PTCHD1: variants seen among roughly 807,000 people sequenced by gnomAD.
PTCHD1 encodes patched domain-containing protein 1.
A neutral mutation model predicts 34.6 loss-of-function variants in PTCHD1; 3 were observed. That is an observed-to-expected ratio of 0.09 (90% CI 0.04 to 0.22). The LOEUF (loss-of-function observed/expected upper bound fraction) is 0.22, where lower values mean the gene tolerates loss of function less well. Ranked by LOEUF, PTCHD1 falls within the 10% of genes least tolerant of loss-of-function variation. The probability of loss-of-function intolerance (pLI) is 1.00; values close to 1 mark genes in which losing one functional copy is unlikely to be tolerated. For synonymous variants in PTCHD1, 305 were observed against 283.1 expected (o/e 1.08, Z -0.77); for missense variants, 504 against 685.5 (o/e 0.74, Z 2.96).
chrX:23,390,473 AT>A (rs11287773), intron 2 of PTCHD1, among the ~76,000 whole-genome samples: 2,369 of 111,773 alleles, frequency 0.021, 69 homozygotes, highest in African/African-American at 0.073. Flanking sequence ...CTAGAAACAG[AT>A]TTAATCATGT....
intron 2 of PTCHD1, among the ~76,000 whole-genome samples, chrX:23,386,187 A>G (rs1922683641): frequency 8.9e-6 from 1 of 111,959 alleles, no homozygotes; most frequent in Admixed American, 9.5e-5. Flanking sequence ...ATTTATACTT[A>G]TACACACTGG....
Position 23,394,451 on chromosome X carries a change from C to CACACACACACACACACACACACACACACA in PTCHD1, c.*266_*267insACACACACACACACACACACACACACACA. On this transcript the variant is annotated 3_prime_UTR_variant, in exon 3 of 3. Coordinates refer to ENST00000379361, the MANE Select transcript of PTCHD1 (RefSeq NM_173495.3). ...ACACACACACACACACACACACACACCCTGGGAGACCTATAGTCTCTTAAA... is the reference window on the plus strand; with the variant it reads ...ACACACACACACACACACACACACACACACACACACACACACACACACACACACACCTGGGAGACCTATAGTCTCTTAAA... 3.3e-6 allele frequency: 1 copy of CACACACACACACACACACACACACACACA among 299,100 alleles called. No homozygotes were observed. Among genetic ancestry groups the CACACACACACACACACACACACACACACA allele is most frequent in the South Asian group, 8.1e-5 (1 of 12,324 alleles). The allele number at this position is 299,100 out of a possible 1,213,427, so 24.6% of individuals were successfully genotyped here. A position where few individuals can be genotyped will look rare whatever the true frequency, so the allele number is the denominator to read the frequency against.
At chrX:23,387,810 C>A (rs1289161877) in intron 2 of PTCHD1, among the ~76,000 whole-genome samples, 1 of 112,138 alleles carries the variant, frequency 8.9e-6, no homozygotes, top group Admixed American at 9.5e-5. Context: ...TGTAACAATA[C>A]AGACATGCAG....
At chrX:23,367,909 T>C (rs937739908) in intron 1 of PTCHD1, among the ~76,000 whole-genome samples, 3 of 111,186 alleles carry the variant, frequency 2.7e-5, no homozygotes, top group African/African-American at 9.8e-5. Context: ...AGGAAGGGTA[T>C]ACAACCTAGT....
At chrX:23,367,212 A>T (rs1922171440) in intron 1 of PTCHD1, among the ~76,000 whole-genome samples, 1 of 112,011 alleles carries the variant, frequency 8.9e-6, no homozygotes, top group South Asian at 3.7e-4. Flanking sequence ...ATATATGTTG[A>T]GTAAATGCAT....
chrX:23,392,950 T>G lies in PTCHD1; in HGVS notation c.1432T>G (p.Tyr478Asp), dbSNP rs766581848. ...DTAEGEEANTYESHLLVCFLK... is the reference protein window; with the variant it reads ...DTAEGEEANTDESHLLVCFLK... ...AGCTGAAGGCGAGGAAGCGAACACT[T>G]ACGAGAGTCACCTATTGGTATGTTT... is the stretch of plus-strand genomic sequence containing the variant. The change falls in exon 3 of 3, where the codon TAC becomes GAC. Residue 478 changes from tyrosine (Y) to aspartate (D), a missense_variant. Transcript: ENST00000379361. 26 of 1,212,164 alleles carry G rather than the reference T, an allele frequency of 2.1e-5. No individual in the cohort carries two copies. The Middle Eastern group carries it at 4.8e-3, about 225-fold the overall frequency.
intron 1 of PTCHD1, among the ~76,000 whole-genome samples, chrX:23,357,369 T>C (rs1214333191): frequency 2.7e-5 from 3 of 111,643 alleles, no homozygotes; most frequent in African/African-American, 9.8e-5. Flanking sequence ...GGTAAAAAAT[T>C]AAAAAGACCG....
In PTCHD1 at chrX:23,392,909, G is replaced by C. The variant is rs767459740; in HGVS notation, c.1391G>C (p.Arg464Thr). 2 of 1,212,410 alleles carry C rather than the reference G, an allele frequency of 1.6e-6. No homozygotes were observed. Among genetic ancestry groups the C allele is most frequent in the East Asian group, 5.9e-5 (2 of 33,885 alleles). ...PAWYRFLLTA[R>T]FSEDTAEGEE... ...TGGTACAGGTTTCTCCTGACGGCCA[G>C]ATTCAGTGAGGACACAGCTGAAGGC... The change falls in exon 3 of 3, where the codon AGA becomes ACA. Residue 464 changes from arginine (R) to threonine (T), a missense_variant. Coordinates refer to ENST00000379361, the MANE Select transcript of PTCHD1 (RefSeq NM_173495.3).
At chrX:23,357,655 T>C (rs991221309) in intron 1 of PTCHD1, among the ~76,000 whole-genome samples, 3 of 107,924 alleles carry the variant, frequency 2.8e-5, no homozygotes, top group Non-Finnish European at 5.7e-5. Context: ...AAACCACAGC[T>C]TTTTTATTAT....
upstream of PTCHD1, chrX:23,334,655 G>A: frequency 9.1e-6 from 1 of 109,802 alleles, no homozygotes; most frequent in South Asian, 3.5e-4. Context: ...GCGGCCGCGG[G>A]CAGGAGGGCG....
At chrX:23,372,148 G>GAA (rs1266359838) in intron 1 of PTCHD1, among the ~76,000 whole-genome samples, 1 of 109,171 alleles carries the variant, frequency 9.2e-6, no homozygotes, top group African/African-American at 3.3e-5. Context: ...ATTAAAACAA[G>GAA]AAAAGATGAT....
chrX:23,335,836 C>A (rs1228628761), intron 1 of PTCHD1, among the ~76,000 whole-genome samples: 1 of 111,881 alleles, frequency 8.9e-6, no homozygotes, highest in Admixed American at 9.4e-5. Context: ...CTGCTGCTCT[C>A]TTCTCCGGAG....
In PTCHD1 at chrX:23,398,471, G is replaced by A. The variant is rs975621066; in HGVS notation, c.*4286G>A. The A allele has an allele frequency of 3.6e-5, 4 of 111,297 alleles. No homozygotes were observed. The highest frequency in any genetic ancestry group is 7.5e-5 in the Non-Finnish European group (4 of 53,089). 9.2% of individuals were successfully genotyped at this position (111,297 alleles called of 1,213,427 possible). A position where few individuals can be genotyped will look rare whatever the true frequency, so the allele number is the denominator to read the frequency against. Reference sequence around the variant, plus strand: ...ACAGATACAGGCACTTGCTTTTGGGGATGGGGAAGGGACACCACTGATTAC... The same window carrying A: ...ACAGATACAGGCACTTGCTTTTGGGAATGGGGAAGGGACACCACTGATTAC... On this transcript the variant is annotated 3_prime_UTR_variant, in exon 3 of 3. Coordinates refer to ENST00000379361, the MANE Select transcript of PTCHD1 (RefSeq NM_173495.3).
intron 1 of PTCHD1, among the ~76,000 whole-genome samples, chrX:23,349,034 AC>A (rs1391279676): frequency 2.7e-5 from 3 of 112,005 alleles, no homozygotes; most frequent in African/African-American, 9.7e-5. Context: ...AATTGTGAAT[AC>A]CCTGTTATAA....
chrX:23,371,821 C>T (rs1922285647), intron 1 of PTCHD1, among the ~76,000 whole-genome samples: 1 of 111,646 alleles, frequency 9.0e-6, no homozygotes, highest in Non-Finnish European at 1.9e-5. Context: ...AGCATCCATG[C>T]TTCCTGCTGT....
At chrX:23,365,633 C>T (rs1922120562) in intron 1 of PTCHD1, among the ~76,000 whole-genome samples, 1 of 111,825 alleles carries the variant, frequency 8.9e-6, no homozygotes, top group African/African-American at 3.3e-5. Context: ...TGATCCCACC[C>T]ATGGGGAGGG....
At chrX:23,378,641 A>G (rs1429748935) in intron 1 of PTCHD1, among the ~76,000 whole-genome samples, 3 of 112,028 alleles carry the variant, frequency 2.7e-5, no homozygotes, top group Non-Finnish European at 3.8e-5. Flanking sequence ...TGTGTGTGAC[A>G]TTGGGCAAGT....
At position 23,400,765 on chromosome X, in the gene PTCHD1, T is replaced by C. The variant is rs1057196505; in HGVS notation, c.*6580T>C. 8.9e-6 allele frequency: 1 copy of C among 111,925 alleles called. No individual in the cohort carries two copies. Among genetic ancestry groups the C allele is most frequent in the African/African-American group, 3.3e-5 (1 of 30,763 alleles). The allele number at this position is 111,925 out of a possible 1,213,427, so 9.2% of individuals were successfully genotyped here. ...CCTTCCATCATCTTCTGCCCAGCCA[T>C]GATAAGGAAAGCCTTCTATTGAGAT... On this transcript the variant is annotated 3_prime_UTR_variant, in exon 3 of 3. Transcript: ENST00000379361.
chrX:23,366,509 C>T (rs1922144131), intron 1 of PTCHD1, among the ~76,000 whole-genome samples: 1 of 111,897 alleles, frequency 8.9e-6, no homozygotes, highest in Non-Finnish European at 1.9e-5. Flanking sequence ...CATGCCTTAG[C>T]TTCCACCTGA....
Sources: gnomAD v4.1 joint callset for allele counts (sites outside exome capture counted in the v4.1 genomes callset) on GRCh38, gnomAD v4.1.1 for gene constraint, MANE v1.5 for transcripts, NCBI Gene and HGNC (gene_info 2026-07-23, HGNC 2026-07-21) for gene names.